Variants in PTPRN2 observed in about 807,000 individuals in gnomAD.
PTPRN2 encodes the protein receptor-type tyrosine-protein phosphatase N2.
Under a neutral mutation model 118.8 loss-of-function variants are expected in PTPRN2, and 74 were observed. The observed-to-expected ratio is 0.62, with a 90% CI of 0.52 to 0.76. The LOEUF (loss-of-function observed/expected upper bound fraction) is 0.76. Among genes scored for constraint, PTPRN2 ranks in the 30% least tolerant of loss-of-function variants. The pLI, the probability that PTPRN2 is intolerant of heterozygous loss-of-function variation, is 0.00. For synonymous variants in PTPRN2, 641 were observed against 608.0 expected, an observed-to-expected ratio of 1.05 and a Z score of -0.80; for missense variants, 1,481 against 1,394.4, an observed-to-expected ratio of 1.06 and a Z score of -0.99.
chr7:157,890,610 C>G (rs1475402963), intron 12 of PTPRN2, among the ~76,000 whole-genome samples: 6 of 152,220 alleles, frequency 3.9e-5, no homozygotes, highest in Non-Finnish European at 8.8e-5. Flanking sequence ...CCACTGCACT[C>G]CAGCCTGGGC....
intron 3 of PTPRN2, 152 bp downstream of exon 3, chr7:158,316,667 C>G: frequency 3.3e-6 from 2 of 606,024 alleles, no homozygotes; most frequent in East Asian, 2.9e-5. Flanking sequence ...AGGAAGCACC[C>G]ATGAGCCCAG....
chr7:158,420,612 CCT>C (rs963603331), intron 2 of PTPRN2, among the ~76,000 whole-genome samples: 8 of 152,272 alleles, frequency 5.3e-5, no homozygotes, highest in Admixed American at 2.0e-4. Flanking sequence ...GCGCATTGCC[CCT>C]GAGTTCCCTT....
chr7:158,535,337 C>G (rs1408602294), intron 1 of PTPRN2, among the ~76,000 whole-genome samples: 1 of 152,178 alleles, frequency 6.6e-6, no homozygotes, highest in Non-Finnish European at 1.5e-5. Flanking sequence ...TGCGTGAATT[C>G]GGGTAAGTTT....
Position 157,785,329 on chromosome 7 carries a change from G to A in PTPRN2, c.1789-102392C>T, listed in dbSNP as rs1030571994. Among the ~76,000 whole-genome samples the A allele has an allele frequency of 6.6e-6, 1 of 152,176 alleles. No homozygotes were observed. Among genetic ancestry groups the A allele is most frequent in the Non-Finnish European group, 1.5e-5 (1 of 68,030 alleles). On this transcript the variant is annotated intron_variant, in intron 12 of 22. Transcript: ENST00000389418. This position sits in a 1 kb window ranked among gnomAD's most constrained non-coding sequence, Gnocchi z 7.3. ...GACGGTGGATCCACAGCTGCCGCGG[G>A]TCCCCCCAACCCCAAAGCCACTGAG...
chr7:158,336,824 C>T (rs1267894865), intron 2 of PTPRN2, among the ~76,000 whole-genome samples: 1 of 102,598 alleles, frequency 9.7e-6, no homozygotes, highest in African/African-American at 3.4e-5. Context: ...TAAGAAGTGA[C>T]ACCTGCAGAC....
intron 14 of PTPRN2, among the ~76,000 whole-genome samples, chr7:157,634,555 T>A (rs912241562): frequency 2.0e-5 from 3 of 152,132 alleles, no homozygotes; most frequent in Non-Finnish European, 4.4e-5. Context: ...GACCAAGGCA[T>A]CCGGGTGCCT....
At chr7:158,149,999 A>T (rs1376411741) in intron 6 of PTPRN2, among the ~76,000 whole-genome samples, 1 of 152,252 alleles carries the variant, frequency 6.6e-6, no homozygotes, top group Non-Finnish European at 1.5e-5. Context: ...GTTAAGCCTC[A>T]TTACAGACAC....
chr7:158,189,173 T>C (rs10244830), intron 5 of PTPRN2, among the ~76,000 whole-genome samples: 98,284 of 152,120 alleles, frequency 0.65, 32,116 homozygotes, highest in East Asian at 0.84. Flanking sequence ...GTTTCTAATG[T>C]GTGGATGTTG....
chr7:158,467,440 G>A lies in PTPRN2; in HGVS notation c.163+22295C>T, dbSNP rs145871791. On this transcript the variant is annotated intron_variant, in intron 2 of 22. Coordinates refer to ENST00000389418, the MANE Select transcript of PTPRN2 (RefSeq NM_002847.5). The stretch of plus-strand genomic sequence containing the variant: ...ATTTTGATGGTTTCCTTTACCGCAC[G>A]GCAGCTTTTCAGTTTGATATAGTCC... 5.3e-5 allele frequency among the ~76,000 whole-genome samples: 8 copies of A among 152,188 alleles called. No individual in the cohort carries two copies. The South Asian group carries it at 6.2e-4, about 12-fold the overall frequency.
chr7:158,126,586 C>T (rs1817696482), intron 9 of PTPRN2, among the ~76,000 whole-genome samples: 1 of 73,636 alleles, frequency 1.4e-5, no homozygotes, highest in Admixed American at 1.2e-4. Flanking sequence ...CCCAGGACAG[C>T]GGGCGGCGGA....
chr7:158,187,632 A>AT (rs957090662), intron 5 of PTPRN2, among the ~76,000 whole-genome samples: 3 of 152,268 alleles, frequency 2.0e-5, no homozygotes, highest in African/African-American at 4.8e-5. Context: ...GTTTTCATGC[A>AT]TTTTTTTAAA....
chr7:158,304,726 G>C (rs1801156922), intron 3 of PTPRN2, among the ~76,000 whole-genome samples: 1 of 152,140 alleles, frequency 6.6e-6, no homozygotes, highest in Non-Finnish European at 1.5e-5. Flanking sequence ...AGAGTGTCTG[G>C]GTTAAGATAA....
chr7:157,954,698 C>T (rs897254470), intron 11 of PTPRN2, among the ~76,000 whole-genome samples: 4 of 152,106 alleles, frequency 2.6e-5, no homozygotes, highest in Admixed American at 6.5e-5. Context: ...AGCGAGGCCC[C>T]GCCTCCCTGC....
intron 10 of PTPRN2, among the ~76,000 whole-genome samples, chr7:158,110,548 T>C (rs1000956274): frequency 2.0e-5 from 3 of 152,182 alleles, no homozygotes; most frequent in Non-Finnish European, 1.5e-5. Flanking sequence ...GCATAGGACA[T>C]GTGCAGAATG....
In PTPRN2 at chr7:157,779,896, G is replaced by A. The variant is rs1211570496; in HGVS notation, c.1789-96959C>T. 6.6e-6 allele frequency among the ~76,000 whole-genome samples: 1 copy of A among 152,110 alleles called. No individual in the cohort carries two copies. The highest frequency in any genetic ancestry group is 1.5e-5 in the Non-Finnish European group (1 of 68,034). On this transcript the variant is annotated intron_variant, in intron 12 of 22. Transcript: ENST00000389418. This position sits in a 1 kb window ranked among gnomAD's most constrained non-coding sequence, Gnocchi z 4.7. ...CTGGGACGCCACTGATACCATCGACGTACAACACGCCGCAAGCAGCCCTCG... is the reference window on the plus strand; with the variant it reads ...CTGGGACGCCACTGATACCATCGACATACAACACGCCGCAAGCAGCCCTCG...
chr7:158,301,091 G>A (rs367925883), intron 3 of PTPRN2, among the ~76,000 whole-genome samples: 19 of 152,302 alleles, frequency 1.2e-4, no homozygotes, highest in African/African-American at 3.6e-4. Context: ...TTAGAATGAT[G>A]CTGAATAGCA....
chr7:158,440,703 G>A (rs1384617551), intron 2 of PTPRN2, among the ~76,000 whole-genome samples: 1 of 149,840 alleles, frequency 6.7e-6, no homozygotes, highest in East Asian at 1.9e-4. Context: ...GGTGATAGGG[G>A]TGGATAGTAG....
intron 11 of PTPRN2, among the ~76,000 whole-genome samples, chr7:158,080,396 C>A (rs569525511): frequency 3.9e-4 from 58 of 150,356 alleles, no homozygotes; most frequent in African/African-American, 1.3e-3. Context: ...TGTCATTTCC[C>A]GCTGTGGCTG....
In PTPRN2 at chr7:157,596,668, C is replaced by T. The variant is rs1801356673; in HGVS notation, c.2419-1353G>A. On this transcript the variant is annotated intron_variant, in intron 16 of 22. Coordinates refer to ENST00000389418, the MANE Select transcript of PTPRN2 (RefSeq NM_002847.5). This position sits in a 1 kb window ranked among gnomAD's most constrained non-coding sequence, Gnocchi z 4.2. ...AGGGCTCACCAGCTCCTCCCCACAC[C>T]TCCCAGAAGCATCTGCAGAGACCGA... Among the ~76,000 whole-genome samples, 1 of 152,176 alleles carries T rather than the reference C, an allele frequency of 6.6e-6. No homozygotes were observed. Among genetic ancestry groups the T allele is most frequent in the Non-Finnish European group, 1.5e-5 (1 of 68,036 alleles).
Sources: gnomAD v4.1 joint callset for allele counts (sites outside exome capture counted in the v4.1 genomes callset) on GRCh38, gnomAD v4.1.1 for gene constraint, Gnocchi (gnomAD v3.1) non-coding constraint, MANE v1.5 for transcripts, NCBI Gene and HGNC (gene_info 2026-07-23, HGNC 2026-07-21) for gene names.